The following MAF variants were observed in gnomAD, a reference collection of about 807,000 sequenced individuals.
MAF encodes MAF bZIP transcription factor.
In MAF, 10 loss-of-function variants were observed where a neutral mutation model predicts 22.0. The ratio of observed to expected loss-of-function variants is 0.45; its 90% CI spans 0.28 to 0.77. The LOEUF is 0.77. Ranked by LOEUF, MAF falls within the 30% of genes least tolerant of loss-of-function variation. The probability of loss-of-function intolerance (pLI) is 0.12; values close to 1 mark genes in which losing one functional copy is unlikely to be tolerated. For synonymous variants in MAF, 337 were observed against 255.8 expected (o/e 1.32, Z -3.03); for missense variants, 544 against 548.4 (o/e 0.99, Z 0.08).
the MAF span, among the ~76,000 whole-genome samples, chr16:79,316,874 T>G: frequency 1.2e-4 from 18 of 152,170 alleles, no homozygotes; most frequent in Non-Finnish European, 2.2e-4. Context: ...AGGGTGAGGT[T>G]GGAGAAAGCA....
the MAF span, among the ~76,000 whole-genome samples, chr16:79,240,842 G>A: frequency 6.6e-6 from 1 of 152,052 alleles, no homozygotes; most frequent in Non-Finnish European, 1.5e-5. Flanking sequence ...AGCTTCCAGA[G>A]GAAGAAACAG....
downstream of MAF, among the ~76,000 whole-genome samples, chr16:79,589,726 C>T (rs1047091902): frequency 1.3e-5 from 2 of 152,180 alleles, no homozygotes; most frequent in Admixed American, 1.3e-4. Context: ...TCCCCCGGAG[C>T]TCGCTCGCGC....
chr16:79,485,137 T>C, the MAF span, among the ~76,000 whole-genome samples: 1 of 152,208 alleles, frequency 6.6e-6, no homozygotes, highest in Non-Finnish European at 1.5e-5. Flanking sequence ...AAAGCCAGTT[T>C]CCTCCAGGAA....
chr16:79,532,971 T>A, the MAF span, among the ~76,000 whole-genome samples: 1 of 152,234 alleles, frequency 6.6e-6, no homozygotes, highest in African/African-American at 2.4e-5. Flanking sequence ...TCTGACCTGC[T>A]TCACATAACC....
At chr16:79,521,247 C>G in the MAF span, among the ~76,000 whole-genome samples, 3 of 152,166 alleles carry the variant, frequency 2.0e-5, no homozygotes, top group African/African-American at 7.2e-5. Context: ...TTAATAGAAT[C>G]GCAACATATC....
At chr16:79,478,201 G>A in the MAF span, among the ~76,000 whole-genome samples, 142 of 152,292 alleles carry the variant, frequency 9.3e-4, 1 homozygote, top group African/African-American at 3.3e-3. Context: ...TGTGCTACAG[G>A]TTACAATGGC....
chr16:79,357,683 A>G, the MAF span, among the ~76,000 whole-genome samples: 1 of 152,056 alleles, frequency 6.6e-6, no homozygotes, highest in East Asian at 1.9e-4. Context: ...CCTAGCAGGC[A>G]TTGGCACTGC....
the MAF span, among the ~76,000 whole-genome samples, chr16:79,227,573 C>T: frequency 6.6e-6 from 1 of 151,978 alleles, no homozygotes; most frequent in African/African-American, 2.4e-5. Flanking sequence ...TAACCTTGAA[C>T]ATTCATGCCC....
chr16:79,535,360 A>G, the MAF span, among the ~76,000 whole-genome samples: 4 of 151,312 alleles, frequency 2.6e-5, no homozygotes, highest in Non-Finnish European at 5.9e-5. Context: ...GCAATCATGT[A>G]CTAACTTTTC....
chr16:79,313,144 G>A, the MAF span, among the ~76,000 whole-genome samples: 1 of 152,166 alleles, frequency 6.6e-6, no homozygotes, highest in Non-Finnish European at 1.5e-5. Flanking sequence ...CACGAAGATC[G>A]AATGCCATGT....
Position 79,599,187 on chromosome 16 carries a change from GCGCCCCCGCCGCCTCCGC to G in MAF, c.698_715del (p.Gly233_Gly238del). 9.2e-7 allele frequency: 1 copy of G among 1,082,772 alleles called. No homozygotes were observed. The highest frequency in any genetic ancestry group is 1.1e-6 in the Non-Finnish European group (1 of 885,576). 67.1% of individuals were successfully genotyped at this position (1,082,772 alleles called of 1,614,324 possible). On this transcript the variant is annotated inframe_deletion, in exon 1 of 2. Transcript: ENST00000326043. Reference sequence around the variant, plus strand: ...GTGCAGGGCGCCCCCCGCCCCCGCCGCGCCCCCGCCGCCTCCGCCGCCGCCGCCGCCGCCGCCGCCCCC... The same window carrying G: ...GTGCAGGGCGCCCCCCGCCCCCGCCGCGCCGCCGCCGCCGCCGCCGCCCCC...
At chr16:79,426,559 G>C in the MAF span, among the ~76,000 whole-genome samples, 2 of 152,044 alleles carry the variant, frequency 1.3e-5, no homozygotes, top group African/African-American at 2.4e-5. Flanking sequence ...CCTGTATCAG[G>C]TGAGACTCTG....
At chr16:79,409,999 T>C in the MAF span, among the ~76,000 whole-genome samples, 7 of 152,192 alleles carry the variant, frequency 4.6e-5, no homozygotes, top group African/African-American at 9.7e-5. Context: ...TGTGGATGAA[T>C]TGCAACCTAG....
the MAF span, among the ~76,000 whole-genome samples, chr16:79,374,678 C>G: frequency 6.6e-6 from 1 of 152,170 alleles, no homozygotes; most frequent in Non-Finnish European, 1.5e-5. Flanking sequence ...TAATCAAGGA[C>G]AGAATTCTAG....
At chr16:79,299,926 G>T in the MAF span, among the ~76,000 whole-genome samples, 3 of 152,198 alleles carry the variant, frequency 2.0e-5, no homozygotes, top group African/African-American at 7.2e-5. Flanking sequence ...TTGGCAAACA[G>T]GGCTTTCTGA....
the MAF span, among the ~76,000 whole-genome samples, chr16:79,287,773 CCATTCATTCACTCACTCATT>C: frequency 4.6e-5 from 7 of 151,804 alleles, no homozygotes; most frequent in South Asian, 1.5e-3. Flanking sequence ...ATTTATTCAC[CCATTCATTCACTCACTCATT>C]CTTTCATTCA....
chr16:79,290,122 G>T, the MAF span, among the ~76,000 whole-genome samples: 2 of 152,060 alleles, frequency 1.3e-5, no homozygotes, highest in South Asian at 4.1e-4. Context: ...CTCCCAAAGT[G>T]CTGGGATTAC....
the MAF span, among the ~76,000 whole-genome samples, chr16:79,257,919 G>C: frequency 6.6e-6 from 1 of 152,202 alleles, no homozygotes; most frequent in Admixed American, 6.5e-5. Context: ...GATGTTATCA[G>C]TAGGTGGTGC....
chr16:79,494,209 G>A, the MAF span, among the ~76,000 whole-genome samples: 3 of 152,188 alleles, frequency 2.0e-5, no homozygotes, highest in African/African-American at 7.2e-5. Flanking sequence ...CAGAAGTCCA[G>A]TATGACTCTC....
Sources: gnomAD v4.1 joint callset for allele counts (sites outside exome capture counted in the v4.1 genomes callset) on GRCh38, gnomAD v4.1.1 for gene constraint, MANE v1.5 for transcripts, NCBI Gene and HGNC (gene_info 2026-07-23, HGNC 2026-07-21) for gene names.